Variants in RIGI observed in about 807,000 individuals in gnomAD.
The protein encoded by RIGI is antiviral innate immune response receptor RIG-I.
chr9:32,502,032 T>A, the RIGI span, among the ~76,000 whole-genome samples: 1 of 152,224 alleles, frequency 6.6e-6, no homozygotes, highest in South Asian at 2.1e-4. Context: ...ACTCTCCCTC[T>A]CCTTAGCCCC....
At chr9:32,462,281 G>A in the RIGI span, among the ~76,000 whole-genome samples, 3 of 151,814 alleles carry the variant, frequency 2.0e-5, no homozygotes, top group African/African-American at 4.8e-5. Context: ...TTGTCACTGC[G>A]AATGGAAATC....
At chr9:32,513,993 A>G in the RIGI span, among the ~76,000 whole-genome samples, 1 of 152,248 alleles carries the variant, frequency 6.6e-6, no homozygotes, top group African/African-American at 2.4e-5. Context: ...ATCACTGGTC[A>G]TTACAGAAAT....
the RIGI span, chr9:32,466,269 G>T: frequency 6.2e-7 from 1 of 1,611,236 alleles, no homozygotes. Flanking sequence ...GTCAGATGCT[G>T]GAAGAATAAC....
chr9:32,494,362 C>G, the RIGI span, among the ~76,000 whole-genome samples: 2 of 152,004 alleles, frequency 1.3e-5, no homozygotes, highest in Non-Finnish European at 2.9e-5. Flanking sequence ...CCACAAGGAA[C>G]TTTCCTTCTA....
the RIGI span, among the ~76,000 whole-genome samples, chr9:32,512,122 T>C: frequency 3.3e-4 from 50 of 152,304 alleles, no homozygotes; most frequent in East Asian, 9.4e-3. Context: ...GATTCACAGC[T>C]GAATTCTACC....
chr9:32,524,576 C>T, the RIGI span, among the ~76,000 whole-genome samples: 4 of 110,586 alleles, frequency 3.6e-5, no homozygotes, highest in East Asian at 2.3e-4. Flanking sequence ...CCCCTCTCAT[C>T]GACTTTTTTT....
At chr9:32,476,284 C>T in the RIGI span, among the ~76,000 whole-genome samples, 117 of 152,178 alleles carry the variant, frequency 7.7e-4, 1 homozygote, top group Admixed American at 2.7e-3. Flanking sequence ...TTATGTGAGG[C>T]CAGGAATTCA....
chr9:32,524,522 C>A, the RIGI span, among the ~76,000 whole-genome samples: 1 of 149,530 alleles, frequency 6.7e-6, no homozygotes, highest in African/African-American at 2.5e-5. Flanking sequence ...ACTGCAATAA[C>A]ATCAGGAAAG....
At chr9:32,473,372 C>A in the RIGI span, among the ~76,000 whole-genome samples, 1 of 149,750 alleles carries the variant, frequency 6.7e-6, no homozygotes, top group African/African-American at 2.5e-5. Flanking sequence ...ACTGCAACCT[C>A]CGCCTCCCAG....
chr9:32,488,693 G>A, the RIGI span: 1 of 1,479,256 alleles, frequency 6.8e-7, no homozygotes, highest in African/African-American at 1.4e-5. Flanking sequence ...TCAATTACAT[G>A]AAGCTGGAGA....
the RIGI span, among the ~76,000 whole-genome samples, chr9:32,463,105 C>CT: frequency 0.015 from 2,245 of 152,200 alleles, 65 homozygotes; most frequent in African/African-American, 0.052. Flanking sequence ...AGCCTGGGCT[C>CT]TGTCTCAAAA....
chr9:32,479,264 C>A, the RIGI span, among the ~76,000 whole-genome samples: 1 of 152,072 alleles, frequency 6.6e-6, no homozygotes, highest in Non-Finnish European at 1.5e-5. Context: ...TTGTATAACT[C>A]CTCTATATCA....
At chr9:32,511,054 T>C in the RIGI span, among the ~76,000 whole-genome samples, 1 of 152,260 alleles carries the variant, frequency 6.6e-6, no homozygotes, top group Admixed American at 6.5e-5. Flanking sequence ...GCTAAATACA[T>C]ATGCACCCAA....
chr9:32,518,182 TTA>T, the RIGI span, among the ~76,000 whole-genome samples: 2 of 152,088 alleles, frequency 1.3e-5, no homozygotes, highest in African/African-American at 4.8e-5. Context: ...AACTCAGAAG[TTA>T]TCTAAAGTTT....
the RIGI span, among the ~76,000 whole-genome samples, chr9:32,511,557 G>C: frequency 6.6e-6 from 1 of 152,162 alleles, no homozygotes; most frequent in African/African-American, 2.4e-5. Flanking sequence ...CAACGTACCA[G>C]AATCTCTGGG....
chr9:32,484,671 G>T, the RIGI span, among the ~76,000 whole-genome samples: 1 of 152,090 alleles, frequency 6.6e-6, no homozygotes, highest in Admixed American at 6.6e-5. Flanking sequence ...CTCATTCACT[G>T]GTATCTTTAT....
the RIGI span, chr9:32,467,973 G>A: frequency 1.3e-6 from 2 of 1,503,102 alleles, no homozygotes; most frequent in Admixed American, 2.1e-5. Flanking sequence ...TCACCAAAGA[G>A]GGAACTTCCC....
chr9:32,498,982 C>CAAA, the RIGI span, among the ~76,000 whole-genome samples: 16 of 97,564 alleles, frequency 1.6e-4, no homozygotes, highest in African/African-American at 3.9e-4. Flanking sequence ...GACTCTGTCT[C>CAAA]AAAAAAAAAA....
the RIGI span, among the ~76,000 whole-genome samples, chr9:32,487,104 T>C: frequency 6.6e-5 from 10 of 152,232 alleles, no homozygotes; most frequent in African/African-American, 2.4e-4. Flanking sequence ...ATCAAATACA[T>C]ATTCAAACAG....
Sources: gnomAD v4.1 joint callset for allele counts (sites outside exome capture counted in the v4.1 genomes callset) on GRCh38, gnomAD v4.1.1 for gene constraint, MANE v1.5 for transcripts, NCBI Gene and HGNC (gene_info 2026-07-23, HGNC 2026-07-21) for gene names.